The following RNF213 variants were observed in gnomAD, a reference collection of about 807,000 sequenced individuals.
RNF213 encodes the protein E3 ubiquitin-protein ligase RNF213.
RNF213 carries 341 observed loss-of-function variants against 514.4 expected under a neutral mutation model. The observed-to-expected ratio is 0.66, with a 90% CI of 0.61 to 0.73. The LOEUF (loss-of-function observed/expected upper bound fraction) is 0.73. RNF213 is among the 30% of genes least tolerant of loss of function. The probability of loss-of-function intolerance (pLI) is 0.00; values close to 1 mark genes in which losing one functional copy is unlikely to be tolerated. For synonymous variants in RNF213, 2,655 were observed against 2,658.2 expected (o/e 1.00, Z 0.04); for missense variants, 5,767 against 6,615.6 (o/e 0.87, Z 4.45).
chr17:80,275,082 G>GGTGTGTTGGGTGTGT (rs924975383), intron 3 of RNF213, among the ~76,000 whole-genome samples: 3 of 138,654 alleles, frequency 2.2e-5, no homozygotes, highest in Non-Finnish European at 3.2e-5. Context: ...GTGTGAGTGG[G>GGTGTGTTGGGTGTGT]GTGTGTTGGG....
At chr17:80,380,033 C>A (rs778815188) in intron 55 of RNF213, among the ~76,000 whole-genome samples, 3 of 152,210 alleles carry the variant, frequency 2.0e-5, no homozygotes, top group Non-Finnish European at 4.4e-5. Flanking sequence ...TGATCTAATT[C>A]ACGAGGACAT....
chr17:80,332,115 G>T lies in RNF213; in HGVS notation c.3627G>T (p.Thr1209=). 1 of 1,537,176 alleles carries T rather than the reference G, an allele frequency of 6.5e-7. No individual in the cohort carries two copies. Among genetic ancestry groups the T allele is most frequent in the South Asian group, 1.2e-5 (1 of 84,056 alleles). ...CCTCCTCGAACTCGCAGAGGGCAACGCATTACCACCTGAGCTCCCAGGTCC... is the reference window on the plus strand; with the variant it reads ...CCTCCTCGAACTCGCAGAGGGCAACTCATTACCACCTGAGCTCCCAGGTCC... ...LSTSSNSQRA[T]HYHLSSQVQE... Residue 1209 remains threonine (T), a synonymous_variant, in exon 21 of 68, where the codon ACG becomes ACT. Transcript: ENST00000582970.
At chr17:80,338,904 C>T (rs1197945742) in intron 25 of RNF213, among the ~76,000 whole-genome samples, 78 of 148,948 alleles carry the variant, frequency 5.2e-4, no homozygotes, top group African/African-American at 1.8e-3. Context: ...GCCGAGATCA[C>T]ACCACTGCAC....
chr17:80,300,095 C>T (rs928235289), intron 11 of RNF213, among the ~76,000 whole-genome samples: 9 of 152,186 alleles, frequency 5.9e-5, no homozygotes, highest in Non-Finnish European at 8.8e-5. Context: ...GGGATTGCTG[C>T]GGTGAATGGT....
rs1176642455 is a variant in RNF213 at position 80,389,226 on chromosome 17, C to T, written c.15054C>T (p.Tyr5018=). 8 of 1,614,226 alleles carry T rather than the reference C, an allele frequency of 5.0e-6. No homozygotes were observed. The highest frequency in any genetic ancestry group is 6.8e-6 in the Non-Finnish European group (8 of 1,180,030). Residue 5018 remains tyrosine, a synonymous_variant, in exon 65 of 68, where the codon TAC becomes TAT. Transcript: ENST00000582970. ...CCATCAGTGGACAGCTGCAGTCCTA[C>T]AGCGATGCCTGTGAAGTGCTGTCTG... is the stretch of plus-strand genomic sequence containing the variant. The part of the protein sequence containing the change: ...ISAISGQLQS[Y]SDACEVLSVV...
At chr17:80,322,019 C>A (rs560178504) in intron 17 of RNF213, among the ~76,000 whole-genome samples, 1 of 152,036 alleles carries the variant, frequency 6.6e-6, no homozygotes, top group Non-Finnish European at 1.5e-5. Flanking sequence ...CCACTGTGCC[C>A]GGCCTCATTG....
In RNF213 at chr17:80,354,166, G is replaced by A. The variant is rs754259945; in HGVS notation, c.10726G>A (p.Ala3576Thr). 1.9e-5 allele frequency: 30 copies of A among 1,613,246 alleles called. No homozygotes were observed. Among genetic ancestry groups the A allele is most frequent in the East Asian group, 1.6e-4 (7 of 44,890 alleles). ...CTTGAATGAGGATGACGCGTGCCAC[G>A]GTATGAGCCTCCCCACCCCTCTTGC... Reference protein sequence around the residue: ...GLLNEDDACHASFLRVSKMRL... With the variant: ...GLLNEDDACHTSFLRVSKMRL... The change falls in exon 35 of 68, where the codon GCC (alanine) becomes ACC (threonine). Residue 3576 changes from alanine (A) to threonine (T), a missense_variant and splice_region_variant. Ala to Thr is a moderately conservative substitution (Grantham distance 58). Coordinates refer to ENST00000582970, the MANE Select transcript of RNF213 (RefSeq NM_001256071.3).
At chr17:80,321,567 T>C (rs112850201) in intron 17 of RNF213, 4,473 of 152,276 alleles carry the variant, frequency 0.029, 96 homozygotes, top group Non-Finnish European at 0.048. Flanking sequence ...GTTTAATTGT[T>C]TAAAGAACTG....
At position 80,398,307 on chromosome 17, in the gene RNF213, G is replaced by A. The variant is rs915716609; in HGVS notation, c.*4809G>A. The A allele has an allele frequency of 6.6e-6, 1 of 152,028 alleles. No homozygotes were observed. Among genetic ancestry groups the A allele is most frequent in the Non-Finnish European group, 1.5e-5 (1 of 68,024 alleles). The allele number at this position is 152,028 out of a possible 1,614,324, so 9.4% of individuals were successfully genotyped here. A position where few individuals can be genotyped will look rare whatever the true frequency, so the allele number is the denominator to read the frequency against. ...TTTGTGGTATGCGTGTAGGGTGAGC[G>A]TAATGTTTTGTCTTGAAGAAGCATG... On this transcript the variant is annotated 3_prime_UTR_variant, in exon 68 of 68. Transcript: ENST00000582970.
In RNF213 at chr17:80,355,597, C is replaced by T. The variant is rs1468298288; in HGVS notation, c.10862+1021C>T. Among the ~76,000 whole-genome samples, 135 of 46,520 alleles carry T rather than the reference C, an allele frequency of 2.9e-3. 13 individuals carry two copies. The highest frequency in any genetic ancestry group is 3.5e-3 in the African/African-American group (34 of 9,630). 30.5% of individuals were successfully genotyped at this position (46,520 alleles called of 152,430 possible). ...CGGGGTGAGTGGGAATGGGGGCTTACAGGGGAAGAAGCGGGGTGAGTGGGA... is the reference window on the plus strand; with the variant it reads ...CGGGGTGAGTGGGAATGGGGGCTTATAGGGGAAGAAGCGGGGTGAGTGGGA... On this transcript the variant is annotated intron_variant, in intron 36 of 67. Coordinates refer to ENST00000582970, the MANE Select transcript of RNF213 (RefSeq NM_001256071.3).
intron 44 of RNF213, 98 bp downstream of exon 44, chr17:80,368,241 G>T: frequency 1.5e-6 from 2 of 1,362,652 alleles, no homozygotes; most frequent in Non-Finnish European, 2.1e-6. Context: ...ACCTTCATTT[G>T]GTAGAAAACC....
intron 3 of RNF213, among the ~76,000 whole-genome samples, chr17:80,283,275 T>G (rs947459635): frequency 6.6e-6 from 1 of 151,930 alleles, no homozygotes. Context: ...CAGGTGGCAG[T>G]TCACACGGGA....
chr17:80,342,379 G>C (rs4890010), intron 26 of RNF213, among the ~76,000 whole-genome samples: 2 of 151,852 alleles, frequency 1.3e-5, no homozygotes, highest in Non-Finnish European at 2.9e-5. Context: ...GACCAGGAGA[G>C]TGAGTAGGTA....
Position 80,346,362 on chromosome 17 carries a change from C to T in RNF213, c.8027C>T (p.Thr2676Ile). The T allele has an allele frequency of 1.2e-6, 2 of 1,613,548 alleles. No individual in the cohort carries two copies. Among genetic ancestry groups the T allele is most frequent in the South Asian group, 1.1e-5 (1 of 91,066 alleles). The change falls in exon 29 of 68, where the codon ACC becomes ATC. Residue 2676 changes from threonine (T) to isoleucine (I), a missense_variant. Coordinates refer to ENST00000582970, the MANE Select transcript of RNF213 (RefSeq NM_001256071.3). The surrounding 1 kb of genome is among the most constrained non-coding windows in gnomAD (Gnocchi z 8.1). ...AAGTCCAGCGTCAGCAAAAATCACACCGAGAGAGATCCCGTCCTCTGGTCG... is the reference window on the plus strand; with the variant it reads ...AAGTCCAGCGTCAGCAAAAATCACATCGAGAGAGATCCCGTCCTCTGGTCG... ...LSKSSVSKNHTERDPVLWSLM... is the reference protein window; with the variant it reads ...LSKSSVSKNHIERDPVLWSLM...
intron 3 of RNF213, among the ~76,000 whole-genome samples, chr17:80,278,564 C>T (rs1040540276): frequency 3.3e-5 from 5 of 152,196 alleles, no homozygotes; most frequent in African/African-American, 1.2e-4. Flanking sequence ...GGAGCTGCTT[C>T]TTCGTCTTCC....
At chr17:80,375,542 GA>G (rs58313556) in intron 50 of RNF213, among the ~76,000 whole-genome samples, 12 of 146,500 alleles carry the variant, frequency 8.2e-5, no homozygotes, top group African/African-American at 1.0e-4. Flanking sequence ...TCTACTAAAA[GA>G]AAAAAAAAAA....
At chr17:80,372,817 C>T (rs943585109) in intron 48 of RNF213, 83 bp downstream of exon 48, 40 of 1,433,730 alleles carry the variant, frequency 2.8e-5, no homozygotes, top group South Asian at 6.0e-5. Flanking sequence ...ACTAGTTCTT[C>T]GAATAGACTA....
intron 3 of RNF213, among the ~76,000 whole-genome samples, chr17:80,283,665 T>C (rs1165824658): frequency 1.3e-5 from 2 of 152,194 alleles, no homozygotes; most frequent in Non-Finnish European, 2.9e-5. Context: ...CTGAGCCCTT[T>C]GCTACATCAA....
intron 17 of RNF213, 140 bp from the exon 18 acceptor site, chr17:80,324,890 A>C: frequency 1.3e-6 from 1 of 777,944 alleles, no homozygotes; most frequent in East Asian, 2.7e-5. Context: ...GTGTTTTACT[A>C]TTTTGCTCTT....
Sources: gnomAD v4.1 joint callset for allele counts (sites outside exome capture counted in the v4.1 genomes callset) on GRCh38, gnomAD v4.1.1 for gene constraint, Gnocchi (gnomAD v3.1) non-coding constraint, MANE v1.5 for transcripts, NCBI Gene and HGNC (gene_info 2026-07-23, HGNC 2026-07-21) for gene names.